The following SETBP1 variants were observed in gnomAD, a reference collection of about 807,000 sequenced individuals.
SETBP1 encodes the protein SET-binding protein.
SETBP1 carries 9 observed loss-of-function variants against 101.0 expected under a neutral mutation model. That is an observed-to-expected ratio of 0.09 (90% CI 0.05 to 0.16). SETBP1 has a LOEUF of 0.16. SETBP1 is among the 10% of genes least tolerant of loss of function. SETBP1 has a pLI of 1.00. For missense variants in SETBP1, 1,858 were observed against 2,033.8 expected, an observed-to-expected ratio of 0.91 and a Z score of 1.66; for synonymous variants, 818 against 788.5, an observed-to-expected ratio of 1.04 and a Z score of -0.63.
At chr18:44,771,943 G>A (rs2070884086) in intron 2 of SETBP1, among the ~76,000 whole-genome samples, 1 of 152,180 alleles carries the variant, frequency 6.6e-6, no homozygotes, top group Non-Finnish European at 1.5e-5. Flanking sequence ...CTATGTGTAC[G>A]ATTCCAGGAA....
intron 4 of SETBP1, among the ~76,000 whole-genome samples, chr18:44,993,544 C>T (rs569967342): frequency 3.7e-4 from 56 of 151,908 alleles, no homozygotes; most frequent in African/African-American, 1.2e-3. Context: ...AAAAGTAATA[C>T]GATACCTAGA....
intron 2 of SETBP1, among the ~76,000 whole-genome samples, chr18:44,770,525 G>C (rs2070849870): frequency 6.6e-6 from 1 of 152,148 alleles, no homozygotes; most frequent in East Asian, 1.9e-4. Flanking sequence ...GATATGCAGT[G>C]GATTCGTGTT....
chr18:45,023,744 A>G (rs1257054990), intron 4 of SETBP1, among the ~76,000 whole-genome samples: 1 of 152,138 alleles, frequency 6.6e-6, no homozygotes, highest in East Asian at 1.9e-4. Context: ...TTAAATATTC[A>G]AAGTTCTTTG....
chr18:44,682,099 A>G (rs2068769145), intron 1 of SETBP1, among the ~76,000 whole-genome samples: 1 of 151,784 alleles, frequency 6.6e-6, no homozygotes, highest in African/African-American at 2.4e-5. Context: ...CTTTTTCTGT[A>G]GATTTATACT....
rs142923191 is a variant in SETBP1 at position 44,910,906 on chromosome 18, A to G, written c.541-38975A>G. Among the ~76,000 whole-genome samples the G allele has an allele frequency of 5.5e-3, 837 of 152,104 alleles. 11 individuals carry two copies. The highest frequency in any genetic ancestry group is 0.019 in the African/African-American group (804 of 41,494). ...CCCTCACACCCTTTTCATCCACCCTACATTATTCTAACTTGCCACTCTCTG... is the reference window on the plus strand; with the variant it reads ...CCCTCACACCCTTTTCATCCACCCTGCATTATTCTAACTTGCCACTCTCTG... On this transcript the variant is annotated intron_variant, in intron 3 of 5. Transcript: ENST00000649279.
At chr18:44,990,835 T>C (rs2072353226) in intron 4 of SETBP1, among the ~76,000 whole-genome samples, 1 of 151,042 alleles carries the variant, frequency 6.6e-6, no homozygotes, top group African/African-American at 2.4e-5. Context: ...TAACTTTCCA[T>C]GTTGTTACAT....
intron 2 of SETBP1, among the ~76,000 whole-genome samples, chr18:44,766,235 G>A (rs936402403): frequency 1.2e-4 from 19 of 152,222 alleles, no homozygotes; most frequent in African/African-American, 4.3e-4. Flanking sequence ...TACATGGTCC[G>A]GCAGTGGACA....
chr18:44,795,671 C>A (rs911715670), intron 2 of SETBP1, among the ~76,000 whole-genome samples: 1 of 152,168 alleles, frequency 6.6e-6, no homozygotes, highest in Non-Finnish European at 1.5e-5. Flanking sequence ...TTTATACATA[C>A]AATGTTTTAT....
At chr18:44,964,753 G>A (rs959875335) in intron 4 of SETBP1, among the ~76,000 whole-genome samples, 6 of 152,034 alleles carry the variant, frequency 3.9e-5, no homozygotes, top group East Asian at 1.9e-4. Flanking sequence ...CCAATCTGCC[G>A]TTTCTCCAGC....
intron 2 of SETBP1, among the ~76,000 whole-genome samples, chr18:44,841,342 C>T (rs2072612256): frequency 2.0e-5 from 3 of 152,150 alleles, no homozygotes; most frequent in Admixed American, 2.0e-4. Flanking sequence ...AGAGAGCTGG[C>T]TTTTCTTAGA....
intron 3 of SETBP1, among the ~76,000 whole-genome samples, chr18:44,932,213 G>T (rs796343596): frequency 6.6e-6 from 1 of 152,144 alleles, no homozygotes; most frequent in Non-Finnish European, 1.5e-5. Flanking sequence ...AGTTTGGATG[G>T]ATATGAAATT....
intron 4 of SETBP1, among the ~76,000 whole-genome samples, chr18:44,992,311 G>A (rs144598845): frequency 4.7e-4 from 72 of 152,128 alleles, no homozygotes; most frequent in East Asian, 3.9e-4. Flanking sequence ...CAATAAAGCC[G>A]ACATTTTTTT....
chr18:44,770,695 T>A (rs2070853799), intron 2 of SETBP1, among the ~76,000 whole-genome samples: 1 of 152,334 alleles, frequency 6.6e-6, no homozygotes, highest in Middle Eastern at 3.4e-3. Flanking sequence ...TCTTCAATTG[T>A]AGGTGATAAC....
At chr18:44,745,926 G>A (rs2070233285) in intron 2 of SETBP1, among the ~76,000 whole-genome samples, 1 of 152,154 alleles carries the variant, frequency 6.6e-6, no homozygotes, top group South Asian at 2.1e-4. Context: ...CCAGTGTAGT[G>A]GTGACCATCC....
intron 4 of SETBP1, among the ~76,000 whole-genome samples, chr18:45,009,837 C>T (rs926940829): frequency 2.6e-5 from 4 of 152,168 alleles, no homozygotes; most frequent in Non-Finnish European, 5.9e-5. Flanking sequence ...TTCTGAGTCT[C>T]ACTGCCTTAT....
chr18:44,889,770 G>A (rs1407660594), intron 3 of SETBP1, among the ~76,000 whole-genome samples: 1 of 152,052 alleles, frequency 6.6e-6, no homozygotes, highest in Non-Finnish European at 1.5e-5. Context: ...TTTGAATGTT[G>A]GTAACCCTTG....
chr18:45,029,283 G>T (rs1425552866), intron 4 of SETBP1, among the ~76,000 whole-genome samples: 7 of 151,952 alleles, frequency 4.6e-5, no homozygotes, highest in Admixed American at 2.6e-4. Context: ...TTTCCCCATT[G>T]CTTGTTTTTC....
chr18:44,807,109 A>AT (rs1238670173), intron 2 of SETBP1, among the ~76,000 whole-genome samples: 1 of 151,986 alleles, frequency 6.6e-6, no homozygotes, highest in Non-Finnish European at 1.5e-5. Context: ...GGAATCTTAT[A>AT]TTTTTTTCTG....
intron 4 of SETBP1, among the ~76,000 whole-genome samples, chr18:44,963,295 C>T (rs2071649916): frequency 6.6e-6 from 1 of 152,138 alleles, no homozygotes; most frequent in African/African-American, 2.4e-5. Context: ...GCAATTTAGT[C>T]TTTGCTAAAA....
Sources: allele counts gnomAD v4.1 joint callset (sites outside exome capture counted in the v4.1 genomes callset), GRCh38; gene constraint gnomAD v4.1.1; transcripts MANE v1.5; gene names NCBI Gene and HGNC (gene_info 2026-07-23, HGNC 2026-07-21).